BEAN1: variants seen among roughly 807,000 people sequenced by gnomAD.
BEAN1 encodes protein BEAN1.
Under a neutral mutation model 17.7 loss-of-function variants are expected in BEAN1, and 17 were observed. That is an observed-to-expected ratio of 0.96 (90% CI 0.66 to 1.44). The LOEUF (loss-of-function observed/expected upper bound fraction) is 1.44, where lower values mean the gene tolerates loss of function less well. Ranked by LOEUF, BEAN1 falls within the 40% of genes most tolerant of loss-of-function variation. The probability of loss-of-function intolerance (pLI) is 0.00; values close to 1 mark genes in which losing one functional copy is unlikely to be tolerated. For synonymous variants in BEAN1, 142 were observed against 151.8 expected (o/e 0.94, Z 0.47); for missense variants, 359 against 374.1 (o/e 0.96, Z 0.33).
intron 4 of BEAN1, among the ~76,000 whole-genome samples, chr16:66,480,304 T>C (rs1167444519): frequency 6.6e-6 from 1 of 152,152 alleles, no homozygotes; most frequent in Non-Finnish European, 1.5e-5. Flanking sequence ...CAGTGGCCAC[T>C]GCTGTTTCGA....
intron 2 of BEAN1, among the ~76,000 whole-genome samples, chr16:66,445,185 A>G (rs1026306757): frequency 6.6e-6 from 1 of 152,104 alleles, no homozygotes; most frequent in African/African-American, 2.4e-5. Flanking sequence ...CAAAAAAAGC[A>G]CAGTGAGGTG....
intron 2 of BEAN1, among the ~76,000 whole-genome samples, chr16:66,452,083 C>T (rs1962692054): frequency 6.6e-6 from 1 of 152,140 alleles, no homozygotes; most frequent in Non-Finnish European, 1.5e-5. Flanking sequence ...ATCCACATGC[C>T]ATGAACCTCA....
intron 2 of BEAN1, among the ~76,000 whole-genome samples, chr16:66,455,677 T>A (rs1266107740): frequency 7.0e-6 from 1 of 143,694 alleles, no homozygotes; most frequent in African/African-American, 2.6e-5. Context: ...AACACGCTTA[T>A]AATAAAGCTA....
At chr16:66,470,145 C>G (rs1335213346) in intron 3 of BEAN1, 2 of 542,606 alleles carry the variant, frequency 3.7e-6, no homozygotes, top group African/African-American at 3.8e-5. Context: ...CCAGGCTGCA[C>G]CAAGGGCTGG....
intron 4 of BEAN1, among the ~76,000 whole-genome samples, chr16:66,490,123 G>A (rs1210128313): frequency 1.4e-5 from 2 of 146,386 alleles, no homozygotes; most frequent in East Asian, 2.1e-4. Flanking sequence ...GCTCATGCCT[G>A]TAATCTCAGC....
chr16:66,486,951 G>A (rs56838224), downstream of BEAN1, among the ~76,000 whole-genome samples: 1,246 of 152,328 alleles, frequency 8.2e-3, 40 homozygotes, highest in East Asian at 0.068. Context: ...AGCCAGGCCT[G>A]AGGGCTCCAG....
chr16:66,461,409 G>T (rs1376749176), intron 2 of BEAN1, among the ~76,000 whole-genome samples: 4 of 152,152 alleles, frequency 2.6e-5, no homozygotes, highest in African/African-American at 4.8e-5. Context: ...CATGGGTGAT[G>T]CCATCTCCCG....
In BEAN1 at chr16:66,473,648, G is replaced by C. The variant is rs370106228; in HGVS notation, c.289+3783G>C. On this transcript the variant is annotated intron_variant, in intron 3 of 4. Transcript: ENST00000536005. The surrounding 1 kb of genome is among the most constrained non-coding windows in gnomAD (Gnocchi z 4.5). ...GGGGTTTCAGGCTGCAGTGAGCTAC[G>C]ATCACACCATTGCACTCCAGCCTGA... 6.6e-6 allele frequency among the ~76,000 whole-genome samples: 1 copy of C among 151,880 alleles called. No homozygotes were observed. The highest frequency in any genetic ancestry group is 6.6e-5 in the Admixed American group (1 of 15,256).
intron 1 of BEAN1, among the ~76,000 whole-genome samples, chr16:66,431,702 TC>T (rs1004935963): frequency 1.6e-4 from 25 of 152,032 alleles, no homozygotes; most frequent in Admixed American, 5.2e-4. Context: ...AACAGGGTTT[TC>T]CCCCCCTTAA....
At chr16:66,428,050 C>T (rs1961649130) in intron 1 of BEAN1, 2 of 152,388 alleles carry the variant, frequency 1.3e-5, no homozygotes, top group South Asian at 4.1e-4. Context: ...CCTTCTCCCA[C>T]TTTGGGACAG....
At chr16:66,452,468 G>T (rs1165840826) in intron 2 of BEAN1, among the ~76,000 whole-genome samples, 2 of 152,170 alleles carry the variant, frequency 1.3e-5, no homozygotes, top group Non-Finnish European at 1.5e-5. Context: ...TTGGGCCTGG[G>T]CAGCATGGTG....
chr16:66,464,037 G>C (rs4783601), intron 2 of BEAN1, among the ~76,000 whole-genome samples: 14,988 of 152,158 alleles, frequency 0.099, 913 homozygotes, highest in South Asian at 0.24. Flanking sequence ...TAGCTCTGTA[G>C]TAAGTTTAGA....
At chr16:66,436,503 C>A (rs1962028597) in intron 1 of BEAN1, among the ~76,000 whole-genome samples, 1 of 150,022 alleles carries the variant, frequency 6.7e-6, no homozygotes, top group South Asian at 2.1e-4. Flanking sequence ...TGGTCTCGAT[C>A]TCCTGACCTT....
intron 2 of BEAN1, among the ~76,000 whole-genome samples, chr16:66,448,459 AT>A (rs1359091682): frequency 6.6e-6 from 1 of 152,164 alleles, no homozygotes; most frequent in Non-Finnish European, 1.5e-5. Context: ...TAAATATAGC[AT>A]ACATACAGAA....
chr16:66,453,225 CT>C (rs1962741622), intron 2 of BEAN1, among the ~76,000 whole-genome samples: 1 of 151,900 alleles, frequency 6.6e-6, no homozygotes, highest in Non-Finnish European at 1.5e-5. Context: ...GGCCTTTCTT[CT>C]TTTCCTTTCT....
chr16:66,435,917 T>C (rs1370888988), intron 1 of BEAN1, among the ~76,000 whole-genome samples: 2 of 152,202 alleles, frequency 1.3e-5, no homozygotes, highest in Admixed American at 6.5e-5. Flanking sequence ...CTCTGAGCCT[T>C]GGTGTCCTCA....
Position 66,469,666 on chromosome 16 carries a change from T to C in BEAN1, c.90T>C (p.His30=). 2 of 1,535,760 alleles carry C rather than the reference T, an allele frequency of 1.3e-6. No homozygotes were observed. Among genetic ancestry groups the C allele is most frequent in the Non-Finnish European group, 1.7e-6 (2 of 1,146,624 alleles). Residue 30 remains histidine (H), a synonymous_variant, in exon 3 of 5, where the codon CAT becomes CAC. Coordinates refer to ENST00000536005, the MANE Select transcript of BEAN1 (RefSeq NM_001178020.3). ...TCTCAGAGAGCTCGGAGCACAGCCA[T>C]CTGCTCGTGTCCCCCGTGCTGGTGG... is the stretch of plus-strand genomic sequence containing the variant. ...PTFSESSEHS[H]LLVSPVLVAS...
At chr16:66,468,307 G>C (rs1176432336) in intron 2 of BEAN1, among the ~76,000 whole-genome samples, 1 of 152,244 alleles carries the variant, frequency 6.6e-6, no homozygotes, top group Admixed American at 6.5e-5. Flanking sequence ...AACCAGACAT[G>C]ATCATATGTA....
At chr16:66,433,317 G>A (rs1433625327) in intron 1 of BEAN1, among the ~76,000 whole-genome samples, 1 of 152,154 alleles carries the variant, frequency 6.6e-6, no homozygotes, top group Admixed American at 6.5e-5. Flanking sequence ...CACCATGTTG[G>A]CCAGGCTGGT....
Sources: allele counts gnomAD v4.1 joint callset (sites outside exome capture counted in the v4.1 genomes callset), GRCh38; gene constraint gnomAD v4.1.1; non-coding constraint Gnocchi (gnomAD v3.1); transcripts MANE v1.5; gene names NCBI Gene and HGNC (gene_info 2026-07-23, HGNC 2026-07-21).